CCDC13: variants seen among roughly 807,000 people sequenced by gnomAD.
The protein encoded by CCDC13 is coiled-coil domain-containing protein 13.
In CCDC13, 70 loss-of-function variants were observed where a neutral mutation model predicts 87.3. The observed-to-expected ratio is 0.80, with a 90% CI of 0.66 to 0.98. The LOEUF is 0.98. Among genes scored for constraint, CCDC13 ranks in the 50% least tolerant of loss-of-function variants. The pLI is 0.00. For missense variants in CCDC13, 842 were observed against 892.0 expected, an observed-to-expected ratio of 0.94 and a Z score of 0.71; for synonymous variants, 317 against 360.3, an observed-to-expected ratio of 0.88 and a Z score of 1.36.
At chr3:42,746,539 C>T (rs1699398858) in intron 6 of CCDC13, 1 of 165,904 alleles carries the variant, frequency 6.0e-6, no homozygotes. Context: ...AAGTGCAGCA[C>T]TCAGGCCCAA....
chr3:42,756,239 C>G (rs339681), intron 3 of CCDC13, among the ~76,000 whole-genome samples: 41,603 of 152,148 alleles, frequency 0.27, 6,604 homozygotes, highest in African/African-American at 0.44. Context: ...TAGCCATCTG[C>G]GAATTGCTCA....
At chr3:42,729,203 G>T (rs1292106053) in intron 13 of CCDC13, among the ~76,000 whole-genome samples, 1 of 152,178 alleles carries the variant, frequency 6.6e-6, no homozygotes, top group Non-Finnish European at 1.5e-5. Flanking sequence ...CCCCAAACTC[G>T]GATGTAACTC....
At position 42,758,148 on chromosome 3, in the gene CCDC13, G is replaced by A. The variant is rs1479332336; in HGVS notation, c.198C>T (p.Asn66=). The change falls in exon 2 of 16, where the codon AAC becomes AAT. Residue 66 remains asparagine, a synonymous_variant. Coordinates refer to ENST00000310232, the MANE Select transcript of CCDC13 (RefSeq NM_144719.4). ...GLSLLHAGEP[N]SKNSFEKRVL... is the part of the protein sequence containing the mutation. Reference sequence around the variant, plus strand: ...ACCTCTTCTCAAAGCTATTTTTCGAGTTTGGCTCCCCTGCGTGGAGAAGGC... The same window carrying A: ...ACCTCTTCTCAAAGCTATTTTTCGAATTTGGCTCCCCTGCGTGGAGAAGGC... The A allele has an allele frequency of 1.9e-6, 3 of 1,613,744 alleles. No individual in the cohort carries two copies. Among genetic ancestry groups the A allele is most frequent in the Admixed American group, 3.3e-5 (2 of 59,962 alleles).
intron 8 of CCDC13, among the ~76,000 whole-genome samples, chr3:42,740,692 T>TG (rs1699186593): frequency 6.6e-6 from 1 of 152,106 alleles, no homozygotes; most frequent in Non-Finnish European, 1.5e-5. Flanking sequence ...GCAAAGGCCC[T>TG]GGGGTAGAAG....
At chr3:42,715,252 T>G (rs369296444) in intron 13 of CCDC13, among the ~76,000 whole-genome samples, 1 of 150,112 alleles carries the variant, frequency 6.7e-6, no homozygotes, top group Non-Finnish European at 1.5e-5. Flanking sequence ...GAGGTTACAG[T>G]GAGCTGAGAT....
intron 13 of CCDC13, among the ~76,000 whole-genome samples, chr3:42,720,800 A>T (rs1186969606): frequency 6.6e-6 from 1 of 152,228 alleles, no homozygotes; most frequent in African/African-American, 2.4e-5. Flanking sequence ...TTTTCCGTCA[A>T]TTAAACATTG....
rs921178732 is a variant in CCDC13 at position 42,705,777 on chromosome 3, G to A, written c.*3203C>T. Among the ~76,000 whole-genome samples the A allele has an allele frequency of 2.6e-5, 4 of 152,190 alleles. No individual in the cohort carries two copies. The highest frequency in any genetic ancestry group is 9.7e-5 in the African/African-American group (4 of 41,448). On this transcript the variant is annotated 3_prime_UTR_variant, in exon 16 of 16. Coordinates refer to ENST00000310232, the MANE Select transcript of CCDC13 (RefSeq NM_144719.4). ...ACCTGGACAGACCAGCTGCCTGGCTGTGCACCTGGCCCACCTAAGTTAGGT... is the reference window on the plus strand; with the variant it reads ...ACCTGGACAGACCAGCTGCCTGGCTATGCACCTGGCCCACCTAAGTTAGGT...
chr3:42,754,084 T>C (rs1217356809), intron 3 of CCDC13, among the ~76,000 whole-genome samples: 1 of 152,192 alleles, frequency 6.6e-6, no homozygotes, highest in Admixed American at 6.5e-5. Context: ...TCCTGAACAC[T>C]TCTGACACCA....
At chr3:42,742,746 G>C (rs1039678135) in intron 8 of CCDC13, 150 bp downstream of exon 8, 1 of 897,084 alleles carries the variant, frequency 1.1e-6, no homozygotes, top group South Asian at 1.7e-5. Context: ...AGGACATGAG[G>C]AACATGCAGA....
intron 13 of CCDC13, among the ~76,000 whole-genome samples, chr3:42,718,417 C>T (rs527931533): frequency 2.6e-4 from 40 of 152,332 alleles, no homozygotes; most frequent in African/African-American, 8.9e-4. Context: ...ACCATAAAAA[C>T]GGGCAACCAG....
chr3:42,756,089 C>T (rs1699698387), intron 3 of CCDC13, among the ~76,000 whole-genome samples: 1 of 152,230 alleles, frequency 6.6e-6, no homozygotes, highest in Non-Finnish European at 1.5e-5. Flanking sequence ...TCAGCATTGA[C>T]TGACCAGAGC....
chr3:42,728,394 C>A (rs948242917), intron 13 of CCDC13, among the ~76,000 whole-genome samples: 1 of 152,024 alleles, frequency 6.6e-6, no homozygotes, highest in Non-Finnish European at 1.5e-5. Flanking sequence ...AAGACTCCCC[C>A]CCACCCTCCC....
intron 13 of CCDC13, among the ~76,000 whole-genome samples, chr3:42,723,138 T>A (rs1698607315): frequency 6.6e-6 from 1 of 152,184 alleles, no homozygotes; most frequent in Non-Finnish European, 1.5e-5. Context: ...TACTTTGCAC[T>A]GTGGACTCCG....
intron 9 of CCDC13, among the ~76,000 whole-genome samples, chr3:42,736,257 G>GA (rs1312798109): frequency 1.3e-5 from 2 of 152,220 alleles, no homozygotes; most frequent in Non-Finnish European, 2.9e-5. Flanking sequence ...TTGGCTGGGA[G>GA]ACTGCCCTTG....
Position 42,739,804 on chromosome 3 carries a change from C to T in CCDC13, c.994G>A (p.Ala332Thr). ...REKQEGLEKL[A>T]SERDVLQREL... The stretch of plus-strand genomic sequence containing the variant: ...CTCTGGAGGACATCCCGTTCACTGG[C>T]AAGTTTCTGTAATTAGAAAGTGAGG... The change falls in exon 9 of 16, where the codon GCC becomes ACC. Residue 332 changes from alanine to threonine, a missense_variant. Coordinates refer to ENST00000310232, the MANE Select transcript of CCDC13 (RefSeq NM_144719.4). 6.2e-7 allele frequency: 1 copy of T among 1,613,598 alleles called. No homozygotes were observed. The highest frequency in any genetic ancestry group is 8.5e-7 in the Non-Finnish European group (1 of 1,179,672).
In CCDC13 at chr3:42,708,813, G is replaced by A; in HGVS notation, c.*167C>T. On this transcript the variant is annotated 3_prime_UTR_variant, in exon 16 of 16. Coordinates refer to ENST00000310232, the MANE Select transcript of CCDC13 (RefSeq NM_144719.4). ...CCAGGGCTTCTCTTCTGCCTTCCTGGCCTGAGACATTGGTTTTGGTCATCC... is the reference window on the plus strand; with the variant it reads ...CCAGGGCTTCTCTTCTGCCTTCCTGACCTGAGACATTGGTTTTGGTCATCC... 3.0e-6 allele frequency: 2 copies of A among 669,488 alleles called. No individual in the cohort carries two copies. The highest frequency in any genetic ancestry group is 2.4e-5 in the South Asian group (1 of 42,400). 41.5% of individuals were successfully genotyped at this position (669,488 alleles called of 1,614,324 possible). A position where few individuals can be genotyped will look rare whatever the true frequency, so the allele number is the denominator to read the frequency against.
intron 1 of CCDC13, chr3:42,771,182 T>C (rs1700087163): frequency 6.6e-6 from 1 of 152,218 alleles, no homozygotes. Flanking sequence ...TAAATGTGTA[T>C]TGTTAAGTGA....
intron 1 of CCDC13, among the ~76,000 whole-genome samples, chr3:42,759,593 T>C (rs1055404845): frequency 6.6e-6 from 1 of 152,228 alleles, no homozygotes; most frequent in African/African-American, 2.4e-5. Context: ...ACTACCTTTT[T>C]GAGATTCATC....
chr3:42,754,913 G>A (rs955869509), intron 3 of CCDC13, among the ~76,000 whole-genome samples: 3 of 152,100 alleles, frequency 2.0e-5, no homozygotes, highest in East Asian at 1.9e-4. Flanking sequence ...AAATGGGGGC[G>A]GCAGTGGATG....
Sources: allele counts gnomAD v4.1 joint callset (sites outside exome capture counted in the v4.1 genomes callset), GRCh38; gene constraint gnomAD v4.1.1; transcripts MANE v1.5; gene names NCBI Gene and HGNC (gene_info 2026-07-23, HGNC 2026-07-21).